The following LRP1B variants were observed in gnomAD, a reference collection of about 807,000 sequenced individuals.
The protein encoded by LRP1B is LDL receptor related protein 1B, also known as low-density lipoprotein receptor-related protein 1B.
In LRP1B, 217 loss-of-function variants were observed where a neutral mutation model predicts 556.6. The observed-to-expected ratio is 0.39, with a 90% confidence interval of 0.35 to 0.44. The LOEUF (loss-of-function observed/expected upper bound fraction) is 0.44, where lower values mean the gene tolerates loss of function less well. Ranked by LOEUF, LRP1B falls within the 20% of genes least tolerant of loss-of-function variation. The probability of loss-of-function intolerance (pLI) is 1.00; values close to 1 mark genes in which losing one functional copy is unlikely to be tolerated. For missense variants in LRP1B, 5,053 were observed against 5,620.8 expected, an observed-to-expected ratio of 0.90 and a Z score of 3.23; for synonymous variants, 2,047 against 1,865.8, an observed-to-expected ratio of 1.10 and a Z score of -2.50.
At chr2:141,333,829 G>GTA (rs1687747183) in intron 3 of LRP1B, among the ~76,000 whole-genome samples, 3 of 152,060 alleles carry the variant, frequency 2.0e-5, no homozygotes, top group African/African-American at 7.2e-5. Context: ...AATTTTTTAT[G>GTA]TATATTCTTT....
chr2:141,940,644 T>G (rs1016255651), intron 1 of LRP1B, among the ~76,000 whole-genome samples: 1 of 152,184 alleles, frequency 6.6e-6, no homozygotes. Context: ...TTTGAATATA[T>G]GTGTATTTTT....
chr2:140,637,569 T>C (rs1684115090), intron 41 of LRP1B, among the ~76,000 whole-genome samples: 1 of 151,982 alleles, frequency 6.6e-6, no homozygotes, highest in African/African-American at 2.4e-5. Context: ...TGTTTTAGAG[T>C]TCAATTTTTT....
At chr2:140,563,014 T>C (rs1680989552) in intron 43 of LRP1B, among the ~76,000 whole-genome samples, 1 of 152,202 alleles carries the variant, frequency 6.6e-6, no homozygotes, top group African/African-American at 2.4e-5. Context: ...ATAACAATTC[T>C]AGGGTATAAG....
chr2:140,300,264 AAC>A (rs1283090788), intron 83 of LRP1B, among the ~76,000 whole-genome samples: 3 of 152,170 alleles, frequency 2.0e-5, no homozygotes, highest in African/African-American at 7.2e-5. Context: ...AATATTACCT[AAC>A]AGAAATTATT....
chr2:140,511,596 C>T (rs181898464), intron 51 of LRP1B, among the ~76,000 whole-genome samples: 2 of 152,264 alleles, frequency 1.3e-5, no homozygotes, highest in East Asian at 3.9e-4. Flanking sequence ...CCACCGCGCC[C>T]AGCCCCTCTA....
intron 1 of LRP1B, among the ~76,000 whole-genome samples, chr2:142,085,556 CTCTG>C (rs1305000032): frequency 4.6e-5 from 7 of 152,136 alleles, no homozygotes; most frequent in East Asian, 1.9e-4. Flanking sequence ...ATTCCATTTT[CTCTG>C]TCTTATACTA....
At chr2:140,440,933 ATTTGAC>A (rs1686399593) in intron 66 of LRP1B, among the ~76,000 whole-genome samples, 3 of 152,180 alleles carry the variant, frequency 2.0e-5, no homozygotes, top group African/African-American at 7.2e-5. Context: ...TAACCCTGTT[ATTTGAC>A]ACATCCCAGT....
chr2:141,214,799 C>G (rs565654867), intron 6 of LRP1B, among the ~76,000 whole-genome samples: 2 of 152,242 alleles, frequency 1.3e-5, no homozygotes, highest in South Asian at 4.1e-4. Context: ...ACTAAGAAGA[C>G]CCAGTGTCTC....
intron 7 of LRP1B, among the ~76,000 whole-genome samples, chr2:141,182,768 C>A (rs1681061998): frequency 6.6e-6 from 1 of 151,546 alleles, no homozygotes. Flanking sequence ...ATAGCTAAGT[C>A]ACATTGCTGG....
intron 7 of LRP1B, among the ~76,000 whole-genome samples, chr2:141,103,444 A>G (rs1242403885): frequency 1.3e-5 from 2 of 151,696 alleles, no homozygotes; most frequent in African/African-American, 4.8e-5. Flanking sequence ...ACAGAATTCA[A>G]TCTTGGCTTC....
intron 19 of LRP1B, among the ~76,000 whole-genome samples, chr2:140,951,232 C>T (rs1041446478): frequency 6.6e-6 from 1 of 152,032 alleles, no homozygotes; most frequent in Non-Finnish European, 1.5e-5. Context: ...TCCTTGGCTC[C>T]TCTGTATATA....
At chr2:142,076,229 A>T (rs1487712168) in intron 1 of LRP1B, among the ~76,000 whole-genome samples, 1 of 152,132 alleles carries the variant, frequency 6.6e-6, no homozygotes, top group Non-Finnish European at 1.5e-5. Flanking sequence ...GAAGATGTGG[A>T]CCACAATATG....
At chr2:141,194,257 T>C (rs946452404) in intron 6 of LRP1B, among the ~76,000 whole-genome samples, 2 of 152,146 alleles carry the variant, frequency 1.3e-5, no homozygotes, top group African/African-American at 4.8e-5. Context: ...TTTTTAACGT[T>C]TTGAAAATTA....
In LRP1B at chr2:141,096,665, A is replaced by AGG. The variant is rs1245691018; in HGVS notation, c.1014-34393_1014-34392insCC. On this transcript the variant is annotated intron_variant, in intron 7 of 90. Transcript: ENST00000389484. Reference sequence around the variant, plus strand: ...GAGAGAGAGAGAGAGAGAGAGAGAGAGAGAGAGAGAGAGAGAGAGAGAGAG... The same window carrying AGG: ...GAGAGAGAGAGAGAGAGAGAGAGAGAGGGAGAGAGAGAGAGAGAGAGAGAGAG... 2.9e-3 allele frequency among the ~76,000 whole-genome samples: 381 copies of AGG among 129,428 alleles called. 27 individuals are homozygous for AGG. Among genetic ancestry groups the AGG allele is most frequent in the African/African-American group, 7.9e-3 (285 of 36,130 alleles). The allele number at this position is 129,428 out of a possible 152,430, so 84.9% of individuals were successfully genotyped here.
chr2:140,418,405 C>T (rs1685289793), intron 66 of LRP1B, among the ~76,000 whole-genome samples: 1 of 152,132 alleles, frequency 6.6e-6, no homozygotes, highest in Non-Finnish European at 1.5e-5. Flanking sequence ...TCGACTTTGT[C>T]TTTGCTAGAA....
intron 57 of LRP1B, among the ~76,000 whole-genome samples, chr2:140,489,970 A>C (rs1390385745): frequency 6.6e-6 from 1 of 152,070 alleles, no homozygotes; most frequent in East Asian, 1.9e-4. Context: ...CAAGCTGGTC[A>C]TTTTTCTACA....
intron 2 of LRP1B, among the ~76,000 whole-genome samples, chr2:141,728,818 CATTG>C (rs1693151153): frequency 6.6e-6 from 1 of 152,150 alleles, no homozygotes; most frequent in Non-Finnish European, 1.5e-5. Flanking sequence ...AAAACAACAT[CATTG>C]ATTGACTCTA....
At chr2:141,345,831 C>T (rs1414269549) in intron 3 of LRP1B, among the ~76,000 whole-genome samples, 1 of 151,930 alleles carries the variant, frequency 6.6e-6, no homozygotes, top group African/African-American at 2.4e-5. Context: ...CATTCTGGAA[C>T]ACCTATAGAT....
intron 1 of LRP1B, among the ~76,000 whole-genome samples, chr2:141,889,036 G>C (rs1461954663): frequency 1.3e-5 from 2 of 152,090 alleles, no homozygotes; most frequent in Non-Finnish European, 2.9e-5. Flanking sequence ...CCCCAGAATA[G>C]AGCCTCTCTC....
Sources: gnomAD v4.1 joint callset for allele counts (sites outside exome capture counted in the v4.1 genomes callset) on GRCh38, gnomAD v4.1.1 for gene constraint, MANE v1.5 for transcripts, NCBI Gene and HGNC (gene_info 2026-07-23, HGNC 2026-07-21) for gene names.